The following HSDL1 variants were observed in gnomAD, a reference collection of about 807,000 sequenced individuals.
HSDL1 encodes hydroxysteroid dehydrogenase like 1.
In HSDL1, 29 loss-of-function variants were observed where a neutral mutation model predicts 31.5. The observed-to-expected ratio is 0.92, with a 90% CI of 0.69 to 1.26. HSDL1 has a LOEUF of 1.26. Ranked by LOEUF, HSDL1 falls within the 50% of genes most tolerant of loss-of-function variation. The pLI is 0.00. For synonymous variants in HSDL1, 222 were observed against 155.2 expected, an observed-to-expected ratio of 1.43 and a Z score of -3.20; for missense variants, 503 against 416.6, an observed-to-expected ratio of 1.21 and a Z score of -1.81.
At chr16:84,127,443 T>C (rs1266338812) in intron 5 of HSDL1, among the ~76,000 whole-genome samples, 2 of 151,992 alleles carry the variant, frequency 1.3e-5, no homozygotes, top group Admixed American at 1.3e-4. Context: ...CTCGAACTCC[T>C]GACCTCAGGT....
intron 5 of HSDL1, among the ~76,000 whole-genome samples, chr16:84,125,480 C>T (rs536558957): frequency 1.3e-5 from 2 of 150,456 alleles, no homozygotes; most frequent in African/African-American, 4.9e-5. Flanking sequence ...CAATAAATAC[C>T]CACCAATCGA....
chr16:84,137,915 T>C (rs9928931), intron 1 of HSDL1, among the ~76,000 whole-genome samples: 7,031 of 152,328 alleles, frequency 0.046, 552 homozygotes, highest in African/African-American at 0.16. Context: ...GTTACTGTTT[T>C]GTGGCTTGAT....
At chr16:84,141,097 A>C (rs1478119671) in intron 1 of HSDL1, among the ~76,000 whole-genome samples, 1 of 151,874 alleles carries the variant, frequency 6.6e-6, no homozygotes, top group Non-Finnish European at 1.5e-5. Flanking sequence ...TCTCAAACAA[A>C]AAAAAAAACA....
At chr16:84,125,781 T>G (rs2086600202) in intron 5 of HSDL1, among the ~76,000 whole-genome samples, 1 of 152,208 alleles carries the variant, frequency 6.6e-6, no homozygotes, top group Non-Finnish European at 1.5e-5. Context: ...TTACTTAACG[T>G]GATATGAACA....
At chr16:84,129,847 T>G in intron 4 of HSDL1, 72 bp from the exon 5 acceptor site, 4 of 1,455,558 alleles carry the variant, frequency 2.7e-6, no homozygotes, top group Non-Finnish European at 3.8e-6. Flanking sequence ...AAAAAAGACT[T>G]GCTTATTATC....
rs1393012788 is a variant in HSDL1 at position 84,124,638 on chromosome 16, T to C, written c.985A>G (p.Thr329Ala). Reference sequence around the variant, plus strand: ...CAAGTGGCCATCCAGACTCAGGCTGTGCAGGATAAGGCTTCCTTACGTAGT... The same window carrying C: ...CAAGTGGCCATCCAGACTCAGGCTGCGCAGGATAAGGCTTCCTTACGTAGT... ...RSLRKEALSC[T>A]A The change falls in exon 6 of 6, where the codon ACA becomes GCA. Residue 329 changes from threonine (T) to alanine (A), a missense_variant. Physicochemically the swap from Thr to Ala is moderately conservative, Grantham distance 58. Coordinates refer to ENST00000219439, the MANE Select transcript of HSDL1 (RefSeq NM_031463.5). The C allele has an allele frequency of 1.2e-6, 2 of 1,610,578 alleles. No individual in the cohort carries two copies. Among genetic ancestry groups the C allele is most frequent in the Non-Finnish European group, 1.7e-6 (2 of 1,176,732 alleles).
chr16:84,140,646 G>C (rs993742000), intron 1 of HSDL1, among the ~76,000 whole-genome samples: 2 of 152,132 alleles, frequency 1.3e-5, no homozygotes, highest in African/African-American at 4.8e-5. Flanking sequence ...TTAGCCACCA[G>C]CCTACTTAAC....
chr16:84,138,042 T>A (rs2086728969), intron 1 of HSDL1, among the ~76,000 whole-genome samples: 1 of 152,192 alleles, frequency 6.6e-6, no homozygotes, highest in Admixed American at 6.5e-5. Context: ...TGGGAGGCGA[T>A]CAGATAATGA....
intron 1 of HSDL1, among the ~76,000 whole-genome samples, chr16:84,143,053 A>G (rs990369064): frequency 2.0e-5 from 3 of 152,202 alleles, no homozygotes; most frequent in Non-Finnish European, 4.4e-5. Flanking sequence ...TCATGTCTGT[A>G]TTTATGCAGT....
At chr16:84,128,775 T>C (rs1323317934) in intron 5 of HSDL1, among the ~76,000 whole-genome samples, 1 of 152,070 alleles carries the variant, frequency 6.6e-6, no homozygotes, top group Non-Finnish European at 1.5e-5. Context: ...TAGCGTGATC[T>C]TGGCTCACTG....
At chr16:84,139,745 A>G (rs2086747871) in intron 1 of HSDL1, among the ~76,000 whole-genome samples, 1 of 152,112 alleles carries the variant, frequency 6.6e-6, no homozygotes, top group Non-Finnish European at 1.5e-5. Context: ...AGCCAAAACC[A>G]CTATGTGTAT....
At chr16:84,129,864 G>A in intron 4 of HSDL1, 89 bp from the exon 5 acceptor site, 3 of 1,417,266 alleles carry the variant, frequency 2.1e-6, no homozygotes, top group Admixed American at 2.1e-5. Flanking sequence ...TATCAATTCA[G>A]GAAAAAATAC....
intron 3 of HSDL1, 54 bp downstream of exon 3, chr16:84,131,048 G>T: frequency 2.1e-6 from 3 of 1,397,116 alleles, no homozygotes; most frequent in South Asian, 2.5e-5. Flanking sequence ...ATAGCTCCTT[G>T]AATAATGCAT....
At chr16:84,138,366 T>C (rs1027468293) in intron 1 of HSDL1, among the ~76,000 whole-genome samples, 1 of 152,180 alleles carries the variant, frequency 6.6e-6, no homozygotes, top group Non-Finnish European at 1.5e-5. Context: ...CTTTCAAATA[T>C]AAAATGCATA....
intron 5 of HSDL1, among the ~76,000 whole-genome samples, chr16:84,126,515 C>T (rs2086608339): frequency 6.6e-6 from 1 of 152,124 alleles, no homozygotes; most frequent in South Asian, 2.1e-4. Flanking sequence ...GCTCTCAATG[C>T]CAACAGTGCT....
Position 84,130,185 on chromosome 16 carries a change from T to C in HSDL1, c.467A>G (p.Tyr156Cys). The change falls in exon 4 of 6, where the codon TAT (tyrosine) becomes TGT (cysteine). Residue 156 changes from tyrosine to cysteine, a missense_variant. Coordinates refer to ENST00000219439, the MANE Select transcript of HSDL1 (RefSeq NM_031463.5). ...GILVNNVGVFYPYPQYFTQLS... is the reference protein window; with the variant it reads ...GILVNNVGVFCPYPQYFTQLS... ...CTGAGTGAAATACTGCGGGTAGGGA[T>C]AAAACACACCCACGTTATTTACCAA... 2 of 1,614,220 alleles carry C rather than the reference T, an allele frequency of 1.2e-6. No homozygotes were observed. The highest frequency in any genetic ancestry group is 1.7e-6 in the Non-Finnish European group (2 of 1,180,040).
Position 84,131,199 on chromosome 16 carries a change from G to A in HSDL1, c.123C>T (p.Ile41=), listed in dbSNP as rs767181607. The A allele has an allele frequency of 6.2e-7, 1 of 1,614,072 alleles. No individual in the cohort carries two copies. Among genetic ancestry groups the A allele is most frequent in the South Asian group, 1.1e-5 (1 of 91,092 alleles). ...GCCTGATCAGGCTGTAAAAGTCACA[G>A]ATGACAGTGATGCTTTTTCTGGCCG... ...WYTARKSITV[I]CDFYSLIRLH... Residue 41 remains isoleucine (I), a synonymous_variant, in exon 3 of 6, where the codon ATC becomes ATT. Coordinates refer to ENST00000219439, the MANE Select transcript of HSDL1 (RefSeq NM_031463.5).
chr16:84,130,984 A>T, intron 3 of HSDL1, 118 bp downstream of exon 3: 1 of 815,636 alleles, frequency 1.2e-6, no homozygotes. Flanking sequence ...GGCAGGAGCC[A>T]TAAGTTTTAT....
At chr16:84,142,228 G>T (rs2086775263) in intron 1 of HSDL1, among the ~76,000 whole-genome samples, 1 of 152,114 alleles carries the variant, frequency 6.6e-6, no homozygotes, top group Admixed American at 6.6e-5. Context: ...GCACCTGGCT[G>T]AATGTCTTAA....
Sources: allele counts gnomAD v4.1 joint callset (sites outside exome capture counted in the v4.1 genomes callset), GRCh38; gene constraint gnomAD v4.1.1; transcripts MANE v1.5; gene names NCBI Gene and HGNC (gene_info 2026-07-23, HGNC 2026-07-21).